ANO6: variants seen among roughly 807,000 people sequenced by gnomAD.
ANO6 encodes anoctamin 6.
A neutral mutation model predicts 117.5 loss-of-function variants in ANO6; 106 were observed. The ratio of observed to expected loss-of-function variants is 0.90; its 90% confidence interval spans 0.77 to 1.06. The LOEUF (loss-of-function observed/expected upper bound fraction) is 1.06, where lower values mean the gene tolerates loss of function less well. Ranked by LOEUF, ANO6 falls within the 50% of genes least tolerant of loss-of-function variation. ANO6 has a pLI of 0.00. For synonymous variants in ANO6, 367 were observed against 385.1 expected (o/e 0.95, Z 0.55); for missense variants, 955 against 1,121.1 (o/e 0.85, Z 2.12).
chr12:45,334,040 C>A (rs1341285533), intron 3 of ANO6, among the ~76,000 whole-genome samples: 1 of 152,002 alleles, frequency 6.6e-6, no homozygotes, highest in East Asian at 1.9e-4. Context: ...GATGTATCAT[C>A]CTTTGAGCAA....
At chr12:45,382,446 A>G (rs1942192106) in intron 10 of ANO6, among the ~76,000 whole-genome samples, 1 of 152,224 alleles carries the variant, frequency 6.6e-6, no homozygotes, top group Admixed American at 6.5e-5. Context: ...GTATGTTTGC[A>G]GTCTGTAAGG....
At chr12:45,353,450 AT>A (rs1024549660) in intron 7 of ANO6, among the ~76,000 whole-genome samples, 3 of 152,162 alleles carry the variant, frequency 2.0e-5, no homozygotes, top group African/African-American at 7.2e-5. Context: ...GTTCTTAATC[AT>A]TTTTTATGTG....
intron 2 of ANO6, among the ~76,000 whole-genome samples, chr12:45,326,477 C>G (rs1199308438): frequency 6.6e-6 from 1 of 152,122 alleles, no homozygotes; most frequent in East Asian, 1.9e-4. Flanking sequence ...GGTAGTTATG[C>G]AGGCGGCATG....
At chr12:45,380,103 GA>G (rs1942131166) in intron 10 of ANO6, among the ~76,000 whole-genome samples, 1 of 152,104 alleles carries the variant, frequency 6.6e-6, no homozygotes, top group African/African-American at 2.4e-5. Context: ...TAGAAATTAT[GA>G]AAGTTGAGAG....
At chr12:45,250,943 C>T (rs903041809) in intron 1 of ANO6, among the ~76,000 whole-genome samples, 3 of 151,820 alleles carry the variant, frequency 2.0e-5, no homozygotes, top group African/African-American at 7.3e-5. Flanking sequence ...CATGATGGCT[C>T]ATGCCTATTA....
chr12:45,250,073 A>G (rs1015090823), intron 1 of ANO6, among the ~76,000 whole-genome samples: 1 of 152,212 alleles, frequency 6.6e-6, no homozygotes, highest in Non-Finnish European at 1.5e-5. Flanking sequence ...CCAGCTAACT[A>G]AAGAAATAAA....
At chr12:45,218,412 T>TTTTTTA in intron 1 of ANO6, among the ~76,000 whole-genome samples, 1 of 144,140 alleles carries the variant, frequency 6.9e-6, no homozygotes, top group Non-Finnish European at 1.5e-5. Context: ...TTTTTTTTTT[T>TTTTTTA]GAGATAGGGT....
In ANO6 at chr12:45,255,556, T is replaced by C. The variant is rs917811167; in HGVS notation, c.70+39165T>C. Among the ~76,000 whole-genome samples the C allele has an allele frequency of 2.0e-5, 3 of 152,170 alleles. No individual in the cohort carries two copies. In the East Asian group the frequency reaches 5.8e-4, roughly 29 times the overall value. On this transcript the variant is annotated intron_variant, in intron 1 of 19. Transcript: ENST00000320560. ...GTAGTGGACATTACTCCTTGGATAT[T>C]ATTCCTAAAGGAAGCATCGTGGAAT...
chr12:45,366,547 T>C (rs1163115036), intron 8 of ANO6, among the ~76,000 whole-genome samples: 1 of 152,214 alleles, frequency 6.6e-6, no homozygotes, highest in African/African-American at 2.4e-5. Flanking sequence ...TCAGTTTTTA[T>C]ATAGGCAAGA....
At chr12:45,308,025 GTGTGTC>G (rs1939725705) in intron 2 of ANO6, among the ~76,000 whole-genome samples, 1 of 136,296 alleles carries the variant, frequency 7.3e-6, no homozygotes, top group Middle Eastern at 3.9e-3. Context: ...ACTTCCGTGT[GTGTGTC>G]TGTGTGTGTG....
chr12:45,368,963 C>T (rs1393021488), intron 9 of ANO6, among the ~76,000 whole-genome samples: 4 of 152,202 alleles, frequency 2.6e-5, no homozygotes, highest in African/African-American at 9.6e-5. Flanking sequence ...TGCCCAAAGT[C>T]ACCCGCCTAG....
At chr12:45,221,552 A>C (rs765233445) in intron 1 of ANO6, among the ~76,000 whole-genome samples, 2 of 152,190 alleles carry the variant, frequency 1.3e-5, no homozygotes, top group Non-Finnish European at 2.9e-5. Flanking sequence ...AAGGATGTTA[A>C]TGAAAAGAGT....
intron 1 of ANO6, among the ~76,000 whole-genome samples, chr12:45,291,103 GT>G (rs1939078593): frequency 6.6e-6 from 1 of 152,044 alleles, no homozygotes; most frequent in Admixed American, 6.6e-5. Context: ...AAAGAGCAAC[GT>G]TCAATCCCAC....
At chr12:45,357,258 A>G (rs1260260435) in intron 7 of ANO6, 32 bp from the exon 8 acceptor site, 3 of 1,609,568 alleles carry the variant, frequency 1.9e-6, no homozygotes, top group African/African-American at 2.7e-5. Context: ...AATTATTTGC[A>G]TCTTCTAAAA....
At chr12:45,314,310 G>A (rs1939944228) in intron 2 of ANO6, among the ~76,000 whole-genome samples, 1 of 151,760 alleles carries the variant, frequency 6.6e-6, no homozygotes, top group South Asian at 2.1e-4. Context: ...CCAGGTTTAA[G>A]AATCATTGCC....
In ANO6 at chr12:45,266,273, T is replaced by C. The variant is rs1938211560; in HGVS notation, c.71-35741T>C. ...AGGCAAAGTCTGTGGTTCTATGTCA[T>C]TGATCTCTAAACTCCAGTTTTTAAA... On this transcript the variant is annotated intron_variant, in intron 1 of 19. Transcript: ENST00000320560. Among the ~76,000 whole-genome samples the C allele has an allele frequency of 2.0e-5, 3 of 152,340 alleles. No homozygotes were observed. The South Asian group carries it at 6.2e-4, about 32-fold the overall frequency.
chr12:45,292,953 T>A (rs1461576109), intron 1 of ANO6: 2 of 1,551,234 alleles, frequency 1.3e-6, no homozygotes, highest in Middle Eastern at 1.7e-4. Context: ...ATGTTCCTAT[T>A]TGGTGAGTTG....
chr12:45,389,294 T>G (rs1264488037), intron 11 of ANO6, among the ~76,000 whole-genome samples: 1 of 152,220 alleles, frequency 6.6e-6, no homozygotes, highest in Non-Finnish European at 1.5e-5. Context: ...ATCCCCATTA[T>G]GAATAGTTCC....
intron 1 of ANO6, among the ~76,000 whole-genome samples, chr12:45,296,392 C>A (rs983217366): frequency 3.9e-5 from 6 of 152,190 alleles, no homozygotes; most frequent in Admixed American, 2.6e-4. Context: ...GTACTTACAT[C>A]ATCTAGCTCA....
Sources: allele counts gnomAD v4.1 joint callset (sites outside exome capture counted in the v4.1 genomes callset), GRCh38; gene constraint gnomAD v4.1.1; transcripts MANE v1.5; gene names NCBI Gene and HGNC (gene_info 2026-07-23, HGNC 2026-07-21).